Variants in OPRM1 observed in about 807,000 individuals in gnomAD.
OPRM1 encodes the protein mu-type opioid receptor.
OPRM1 carries 27 observed loss-of-function variants against 31.8 expected under a neutral mutation model. That is an observed-to-expected ratio of 0.85 (90% CI 0.63 to 1.17). The LOEUF (loss-of-function observed/expected upper bound fraction) is 1.17, where lower values mean the gene tolerates loss of function less well. OPRM1 is among the 50% of genes most tolerant of loss of function. The pLI is 0.00. For missense variants in OPRM1, 536 were observed against 511.1 expected (o/e 1.05, Z -0.47); for synonymous variants, 196 against 189.9 (o/e 1.03, Z -0.26).
In OPRM1 at chr6:154,240,137, ATCAGTGT is replaced by A. The variant is rs1394432959; in HGVS notation, c.1165-6552_1165-6546del. On this transcript the variant is annotated intron_variant, in intron 3 of 3. Coordinates refer to the OPRM1 transcript ENST00000337049. ...CATTTTGGTAGAAGTCTGGGAACACATCAGTGTTCAATAATAATGCTCAATTTAATTA... is the reference window on the plus strand; with the variant it reads ...CATTTTGGTAGAAGTCTGGGAACACATCAATAATAATGCTCAATTTAATTA... Among the ~76,000 whole-genome samples the A allele has an allele frequency of 3.3e-5, 5 of 152,368 alleles. No individual in the cohort carries two copies. The East Asian group carries it at 9.6e-4, about 29-fold the overall frequency.
chr6:154,016,879 T>A (rs1442145238), intron 1 of OPRM1, among the ~76,000 whole-genome samples: 1 of 152,096 alleles, frequency 6.6e-6, no homozygotes, highest in Non-Finnish European at 1.5e-5. Flanking sequence ...ACTAGCCAAA[T>A]AAACAGAAAA....
intron 3 of OPRM1, among the ~76,000 whole-genome samples, chr6:154,213,549 C>T (rs1778138695): frequency 6.6e-6 from 1 of 152,138 alleles, no homozygotes; most frequent in Non-Finnish European, 1.5e-5. Flanking sequence ...CTAACTAACT[C>T]TAAGATTTTA....
rs1420266156 is a variant in OPRM1 at position 154,127,920 on chromosome 6, T to G, written c.*9199T>G. On this transcript the variant is annotated 3_prime_UTR_variant, in exon 4 of 4. Transcript: ENST00000330432. ...CTCTGTCTCAGTGGTAAGCTGTAAC[T>G]GATCACTGCTGTATTAACTCAAAAC... 6.6e-6 allele frequency among the ~76,000 whole-genome samples: 1 copy of G among 152,240 alleles called. No individual in the cohort carries two copies. Among genetic ancestry groups the G allele is most frequent in the Admixed American group, 6.5e-5 (1 of 15,280 alleles).
intron 3 of OPRM1, among the ~76,000 whole-genome samples, chr6:154,096,094 G>A (rs1469602404): frequency 6.6e-6 from 1 of 152,150 alleles, no homozygotes; most frequent in Non-Finnish European, 1.5e-5. Flanking sequence ...GAATTACTCT[G>A]TCGCCCAGGC....
chr6:154,010,630 C>T, exon 1 of OPRM1: 4 of 1,500,946 alleles, frequency 2.7e-6, no homozygotes, highest in Middle Eastern at 1.7e-4. Flanking sequence ...TATGCCTGCA[C>T]TAAGTTTGCA....
In OPRM1 at chr6:154,181,197, G is replaced by GGC. The variant is rs1157743197; in HGVS notation, c.1165-65496_1165-65495insGC. Among the ~76,000 whole-genome samples, 3 of 152,026 alleles carry GGC rather than the reference G, an allele frequency of 2.0e-5. No individual in the cohort carries two copies. In the East Asian group the frequency reaches 5.8e-4, roughly 29 times the overall value. On this transcript the variant is annotated intron_variant, in intron 3 of 3. Coordinates refer to the OPRM1 transcript ENST00000337049. ...ATTATTTAATTAAGAAAAAAATCTG[G>GGC]ATAACTCATTTTAGTAGTGAGGACA...
At chr6:154,087,492 C>G in intron 1 of OPRM1, 1 of 985,504 alleles carries the variant, frequency 1.0e-6, no homozygotes, top group Non-Finnish European at 1.2e-6. Context: ...GGGGTTCTCT[C>G]TCACGCTCTC....
chr6:154,136,788 G>A (rs994572914), downstream of OPRM1, among the ~76,000 whole-genome samples: 3 of 152,146 alleles, frequency 2.0e-5, no homozygotes, highest in South Asian at 6.2e-4. Context: ...GGGATTTGAA[G>A]GGATGCCAAC....
intron 1 of OPRM1, among the ~76,000 whole-genome samples, chr6:154,017,509 A>G (rs1000987602): frequency 4.6e-5 from 7 of 152,158 alleles, no homozygotes; most frequent in Non-Finnish European, 8.8e-5. Flanking sequence ...TCCATCTTCC[A>G]CAGAGCCTAG....
intron 3 of OPRM1, among the ~76,000 whole-genome samples, chr6:154,216,226 T>G (rs1339769081): frequency 6.6e-6 from 1 of 151,916 alleles, no homozygotes; most frequent in Non-Finnish European, 1.5e-5. Context: ...AATAAGAAAA[T>G]GGATAAATAA....
intron 3 of OPRM1, among the ~76,000 whole-genome samples, chr6:154,182,549 T>C (rs1256068012): frequency 2.0e-5 from 3 of 152,206 alleles, no homozygotes; most frequent in African/African-American, 4.8e-5. Context: ...ATATTTAAAG[T>C]AGACATAAAA....
chr6:154,101,015 T>A (rs1349059318), intron 3 of OPRM1, among the ~76,000 whole-genome samples: 1 of 151,086 alleles, frequency 6.6e-6, no homozygotes, highest in East Asian at 1.9e-4. Context: ...AGTAAATGAT[T>A]TATTATGATG....
rs2128527507 is a variant in OPRM1, at chr6:154,122,428, C to A, written c.*3707C>A. 6.6e-6 allele frequency among the ~76,000 whole-genome samples: 1 copy of A among 152,012 alleles called. No individual in the cohort carries two copies. The highest frequency in any genetic ancestry group is 2.1e-4 in the South Asian group (1 of 4,832). On this transcript the variant is annotated 3_prime_UTR_variant, in exon 4 of 4. Transcript: ENST00000330432. ...GCAACTCTAACCACTGTGTTTCCCCCAGTTTGATATGGTTCAGGATACATA... is the reference window on the plus strand; with the variant it reads ...GCAACTCTAACCACTGTGTTTCCCCAAGTTTGATATGGTTCAGGATACATA...
intron 1 of OPRM1, among the ~76,000 whole-genome samples, chr6:154,067,041 G>C (rs530383808): frequency 2.0e-4 from 31 of 152,158 alleles, no homozygotes; most frequent in Non-Finnish European, 3.7e-4. Context: ...TTTTATTGTA[G>C]TGATCTGATT....
intron 3 of OPRM1, among the ~76,000 whole-genome samples, chr6:154,181,802 T>A (rs971723062): frequency 1.3e-5 from 2 of 152,194 alleles, no homozygotes; most frequent in African/African-American, 4.8e-5. Context: ...AAAATCAGAT[T>A]ACCTTCTTGG....
intron 1 of OPRM1, among the ~76,000 whole-genome samples, chr6:154,078,383 G>A (rs1375569354): frequency 6.6e-6 from 1 of 152,030 alleles, no homozygotes; most frequent in Admixed American, 6.5e-5. Flanking sequence ...TATACTGCAG[G>A]TCTGTTACCC....
chr6:154,106,454 C>T (rs568209598), intron 3 of OPRM1, among the ~76,000 whole-genome samples: 5 of 152,312 alleles, frequency 3.3e-5, no homozygotes, highest in Non-Finnish European at 7.4e-5. Context: ...CAGACCTTAC[C>T]TAGCAGTAAA....
chr6:154,108,223 C>T, intron 3 of OPRM1: 1 of 411,712 alleles, frequency 2.4e-6, no homozygotes, highest in South Asian at 9.9e-5. Flanking sequence ...ATTAGCTACT[C>T]TGCTTAGCAC....
At chr6:154,233,165 C>A (rs531417513) in intron 3 of OPRM1, among the ~76,000 whole-genome samples, 2 of 152,054 alleles carry the variant, frequency 1.3e-5, no homozygotes, top group Non-Finnish European at 1.5e-5. Context: ...GACATGGTTT[C>A]GCCATATTGG....
Sources: allele counts gnomAD v4.1 joint callset (sites outside exome capture counted in the v4.1 genomes callset), GRCh38; gene constraint gnomAD v4.1.1; transcripts MANE v1.5; gene names NCBI Gene and HGNC (gene_info 2026-07-23, HGNC 2026-07-21).